The following ADSS1 variants were observed in gnomAD, a reference collection of about 807,000 sequenced individuals.
ADSS1 encodes adenylosuccinate synthetase isozyme 1.
A neutral mutation model predicts 59.1 loss-of-function variants in ADSS1; 57 were observed. The ratio of observed to expected loss-of-function variants is 0.97; its 90% CI spans 0.78 to 1.20. The LOEUF is 1.20. Among genes scored for constraint, ADSS1 ranks in the 50% most tolerant of loss-of-function variants. The pLI, the probability that ADSS1 is intolerant of heterozygous loss-of-function variation, is 0.00. For synonymous variants in ADSS1, 247 were observed against 249.4 expected, an observed-to-expected ratio of 0.99 and a Z score of 0.09; for missense variants, 603 against 610.3, an observed-to-expected ratio of 0.99 and a Z score of 0.13.
intron 9 of ADSS1, 136 bp from the exon 10 acceptor site, chr14:104,742,931 T>A: frequency 7.7e-7 from 1 of 1,302,516 alleles, no homozygotes; most frequent in Non-Finnish European, 1.1e-6. Context: ...GGGAGCTGGA[T>A]GTAAGGACTG....
At chr14:104,743,799 CG>C (rs1891460691) in intron 10 of ADSS1, among the ~76,000 whole-genome samples, 1 of 152,246 alleles carries the variant, frequency 6.6e-6, no homozygotes, top group Admixed American at 6.5e-5. Flanking sequence ...AATCCGGCAA[CG>C]GGAAGCAGAG....
At chr14:104,731,371 C>T (rs1890926210) in intron 1 of ADSS1, among the ~76,000 whole-genome samples, 1 of 152,236 alleles carries the variant, frequency 6.6e-6, no homozygotes. Flanking sequence ...CAGTGTGCAA[C>T]ATGGGTGACT....
At chr14:104,745,993 G>T (rs1477646254) in intron 11 of ADSS1, 1 of 416,118 alleles carries the variant, frequency 2.4e-6, no homozygotes, top group Non-Finnish European at 4.3e-6. Flanking sequence ...AGAGTGGGTA[G>T]CACATATGTG....
At chr14:104,725,359 G>A (rs1048599703) in intron 1 of ADSS1, among the ~76,000 whole-genome samples, 3 of 152,204 alleles carry the variant, frequency 2.0e-5, no homozygotes, top group Non-Finnish European at 4.4e-5. Context: ...GGATGCACGC[G>A]TCTGGGGTTT....
At chr14:104,731,612 G>A (rs1890933756) in intron 1 of ADSS1, among the ~76,000 whole-genome samples, 1 of 152,222 alleles carries the variant, frequency 6.6e-6, no homozygotes, top group South Asian at 2.1e-4. Context: ...GAGGAGCAGG[G>A]CAGCCGAGGG....
chr14:104,729,870 G>A, intron 1 of ADSS1: 8 of 1,441,596 alleles, frequency 5.5e-6, no homozygotes, highest in Non-Finnish European at 9.1e-7. Flanking sequence ...CGTCGGCGTC[G>A]TGGGGAGGAG....
rs1235306651 is a variant in ADSS1 at position 104,730,957 on chromosome 14, GT to G, written c.193-4062del. ...AGTGACAAGCCAGACTAGGCAGAGA[GT>G]GGGGGGGGGGGGGGGGCTCAGTGTC... On this transcript the variant is annotated intron_variant, in intron 1 of 12. Coordinates refer to ENST00000330877, the MANE Select transcript of ADSS1 (RefSeq NM_152328.5). Among the ~76,000 whole-genome samples the G allele has an allele frequency of 6.7e-3, 555 of 82,358 alleles. 9 individuals carry two copies. The highest frequency in any genetic ancestry group is 0.012 in the Non-Finnish European group (457 of 38,280). 54.0% of individuals were successfully genotyped at this position (82,358 alleles called of 152,430 possible). A position where few individuals can be genotyped will look rare whatever the true frequency, so the allele number is the denominator to read the frequency against.
rs1169508359 is a variant in ADSS1 at position 104,729,939 on chromosome 14, G to A, written c.193-5081G>A. ...GTGGCAACCCAGAGGCAAGGAGGTG[G>A]GCAGAGGCCCACGAACCTGGCCCTG... On this transcript the variant is annotated intron_variant, in intron 1 of 12. Coordinates refer to ENST00000330877, the MANE Select transcript of ADSS1 (RefSeq NM_152328.5). 5 of 1,567,226 alleles carry A rather than the reference G, an allele frequency of 3.2e-6. No individual in the cohort carries two copies. The highest frequency in any genetic ancestry group is 4.3e-6 in the Non-Finnish European group (5 of 1,156,190).
Position 104,744,858 on chromosome 14 carries a change from A to C in ADSS1, c.1120A>C (p.Lys374Gln). Residue 374 changes from lysine (K) to glutamine (Q), a missense_variant, in exon 11 of 13, where the codon AAA (lysine) becomes CAA (glutamine). Lys to Gln is a moderately conservative substitution (Grantham distance 53, BLOSUM62 1). Transcript: ENST00000330877. Reference sequence around the variant, plus strand: ...CATCCTGGACGTACTGGGTGAGGTTAAAGTCGGTGTCTCATACAAGCTGAA... The same window carrying C: ...CATCCTGGACGTACTGGGTGAGGTTCAAGTCGGTGTCTCATACAAGCTGAA... ...LDILDVLGEVKVGVSYKLNGK... is the reference protein window; with the variant it reads ...LDILDVLGEVQVGVSYKLNGK... 2 of 1,614,166 alleles carry C rather than the reference A, an allele frequency of 1.2e-6. No homozygotes were observed. Among genetic ancestry groups the C allele is most frequent in the South Asian group, 2.2e-5 (2 of 91,084 alleles).
At chr14:104,738,640 G>C (rs912603813) in intron 3 of ADSS1, among the ~76,000 whole-genome samples, 1 of 152,252 alleles carries the variant, frequency 6.6e-6, no homozygotes, top group African/African-American at 2.4e-5. Context: ...TCAGATGCTG[G>C]TGGCCTCAGC....
At chr14:104,726,207 C>T (rs977020277) in intron 1 of ADSS1, among the ~76,000 whole-genome samples, 9 of 152,222 alleles carry the variant, frequency 5.9e-5, no homozygotes, top group African/African-American at 1.9e-4. Context: ...AGCCTCCTCA[C>T]GAGCCAGTGA....
chr14:104,733,303 G>T (rs1566796269), intron 1 of ADSS1, among the ~76,000 whole-genome samples: 1 of 152,198 alleles, frequency 6.6e-6, no homozygotes, highest in Non-Finnish European at 1.5e-5. Context: ...GTCAGGGCGT[G>T]GAGGTGGGGA....
rs762982543 is a variant in ADSS1, at chr14:104,747,159, T to C, written c.*156T>C. 8 of 637,124 alleles carry C rather than the reference T, an allele frequency of 1.3e-5. No individual in the cohort carries two copies. The highest frequency in any genetic ancestry group is 1.8e-5 in the Non-Finnish European group (7 of 397,170). The allele number at this position is 637,124 out of a possible 1,614,324, so 39.5% of individuals were successfully genotyped here. A position where few individuals can be genotyped will look rare whatever the true frequency, so the allele number is the denominator to read the frequency against. On this transcript the variant is annotated 3_prime_UTR_variant, in exon 13 of 13. Coordinates refer to ENST00000330877, the MANE Select transcript of ADSS1 (RefSeq NM_152328.5). ...TTCAACCTGTTGGTTTCTACAATGATTTTAAACATTGGAAAGCCAGCCTTG... is the reference window on the plus strand; with the variant it reads ...TTCAACCTGTTGGTTTCTACAATGACTTTAAACATTGGAAAGCCAGCCTTG...
chr14:104,735,110 G>A lies in ADSS1; in HGVS notation c.283G>A (p.Val95Met), dbSNP rs554970016. The A allele has an allele frequency of 2.0e-5, 32 of 1,610,288 alleles. No individual in the cohort carries two copies. Among genetic ancestry groups the A allele is most frequent in the African/African-American group, 6.7e-5 (5 of 74,978 alleles). Residue 95 changes from valine to methionine, a missense_variant, in exon 2 of 13, where the codon GTG (valine) becomes ATG (methionine). Transcript: ENST00000330877. ...CAGCGGCATCATCAACACCAAGGCC[G>A]TGTCCTTCATTGGTGAGTGCCCTGC... ...LPSGIINTKA[V>M]SFIGNGVVIH...
chr14:104,724,492 C>A (rs1192052003), intron 1 of ADSS1, 30 bp downstream of exon 1: 5 of 1,184,976 alleles, frequency 4.2e-6, no homozygotes, highest in Non-Finnish European at 5.3e-6. Flanking sequence ...GTCCCTCCCC[C>A]ACCGCCCAGC....
chr14:104,742,483 G>C (rs1333450670), intron 9 of ADSS1, among the ~76,000 whole-genome samples: 1 of 152,240 alleles, frequency 6.6e-6, no homozygotes, highest in Non-Finnish European at 1.5e-5. Context: ...GCCCCAGGAA[G>C]GTTTCTGGAA....
chr14:104,731,805 G>A (rs1016873643), intron 1 of ADSS1, among the ~76,000 whole-genome samples: 10 of 152,174 alleles, frequency 6.6e-5, no homozygotes, highest in South Asian at 2.1e-4. Flanking sequence ...CTGGGGGCTC[G>A]GCACTGGGGG....
chr14:104,741,735 G>GGC, intron 8 of ADSS1, 113 bp from the exon 9 acceptor site: 8 of 1,426,406 alleles, frequency 5.6e-6, no homozygotes, highest in Non-Finnish European at 7.6e-6. Context: ...CCACGGAGGG[G>GGC]GCCCCCCACG....
At position 104,740,744 on chromosome 14, in the gene ADSS1, G is replaced by A. The variant is rs1891315217; in HGVS notation, c.584+36G>A. 6.2e-7 allele frequency: 1 copy of A among 1,613,302 alleles called. No individual in the cohort carries two copies. Among genetic ancestry groups the A allele is most frequent in the Non-Finnish European group, 8.5e-7 (1 of 1,179,360 alleles). On this transcript the variant is annotated intron_variant, in intron 6 of 12. Coordinates refer to ENST00000330877, the MANE Select transcript of ADSS1 (RefSeq NM_152328.5). This position sits in a 1 kb window ranked among gnomAD's most constrained non-coding sequence, Gnocchi z 4.8. ...CGTCTGCAGTCCCCGGGGAGGATGG[G>A]GAGAAGTTGCCGGAAGGGACTGTGG... is the stretch of plus-strand genomic sequence containing the variant.
Sources: allele counts gnomAD v4.1 joint callset (sites outside exome capture counted in the v4.1 genomes callset), GRCh38; gene constraint gnomAD v4.1.1; non-coding constraint Gnocchi (gnomAD v3.1); transcripts MANE v1.5; gene names NCBI Gene and HGNC (gene_info 2026-07-23, HGNC 2026-07-21).